Variants in NINL observed in about 807,000 individuals in gnomAD.
NINL encodes ninein like, also known as ninein-like protein.
In NINL, 153 loss-of-function variants were observed where a neutral mutation model predicts 160.3. The ratio of observed to expected loss-of-function variants is 0.95; its 90% CI spans 0.84 to 1.09. The LOEUF is 1.09. NINL is among the 50% of genes least tolerant of loss of function. The probability of loss-of-function intolerance (pLI) is 0.00; values close to 1 mark genes in which losing one functional copy is unlikely to be tolerated. For synonymous variants in NINL, 800 were observed against 734.8 expected (o/e 1.09, Z -1.43); for missense variants, 1,829 against 1,764.0 (o/e 1.04, Z -0.66).
At chr20:25,464,243 C>T (rs1050360253) in intron 19 of NINL, among the ~76,000 whole-genome samples, 1 of 152,152 alleles carries the variant, frequency 6.6e-6, no homozygotes, top group Non-Finnish European at 1.5e-5. Flanking sequence ...ATGGCGAAAC[C>T]CCATCTCCAC....
chr20:25,562,035 C>A (rs1600347220), intron 1 of NINL, among the ~76,000 whole-genome samples: 4 of 141,414 alleles, frequency 2.8e-5, no homozygotes, highest in Admixed American at 2.8e-4. Flanking sequence ...AAGTGAGGAG[C>A]CCCTCTGCCC....
chr20:25,557,846 G>A (rs2064886560), intron 1 of NINL, among the ~76,000 whole-genome samples: 1 of 151,904 alleles, frequency 6.6e-6, no homozygotes, highest in Non-Finnish European at 1.5e-5. Flanking sequence ...TAAATATACT[G>A]GGCTGGGCGC....
At chr20:25,563,895 C>A (rs943416992) in intron 1 of NINL, among the ~76,000 whole-genome samples, 1 of 152,154 alleles carries the variant, frequency 6.6e-6, no homozygotes, top group African/African-American at 2.4e-5. Flanking sequence ...AGAAACAAAT[C>A]ATTAGATCAA....
At chr20:25,503,842 T>C in intron 7 of NINL, 110 bp downstream of exon 7, 1 of 1,330,542 alleles carries the variant, frequency 7.5e-7, no homozygotes, top group Non-Finnish European at 1.1e-6. Flanking sequence ...TGTCCAGTTC[T>C]TGGACAGCTT....
intron 1 of NINL, among the ~76,000 whole-genome samples, chr20:25,548,195 G>A (rs1453740904): frequency 6.6e-6 from 1 of 152,158 alleles, no homozygotes; most frequent in Non-Finnish European, 1.5e-5. Flanking sequence ...TGCACTCCTG[G>A]GCAGCTGTGT....
chr20:25,521,961 C>T (rs1237537333), intron 2 of NINL, among the ~76,000 whole-genome samples: 1 of 152,198 alleles, frequency 6.6e-6, no homozygotes, highest in Non-Finnish European at 1.5e-5. Flanking sequence ...CAAGATCTCA[C>T]TCAGGCTCAA....
intron 1 of NINL, among the ~76,000 whole-genome samples, chr20:25,531,625 G>C (rs1384481094): frequency 6.6e-6 from 1 of 152,186 alleles, no homozygotes; most frequent in African/African-American, 2.4e-5. Flanking sequence ...CGCAACAGGG[G>C]AGAAGACAAA....
At chr20:25,469,952 C>G in intron 18 of NINL, 39 bp downstream of exon 18, 5 of 1,492,222 alleles carry the variant, frequency 3.4e-6, no homozygotes, top group Non-Finnish European at 4.7e-6. Context: ...GAGGGCAAAA[C>G]GCACCCCCAG....
At chr20:25,511,830 C>T (rs1165455576) in intron 4 of NINL, among the ~76,000 whole-genome samples, 1 of 152,218 alleles carries the variant, frequency 6.6e-6, no homozygotes, top group Non-Finnish European at 1.5e-5. Context: ...GTTGTTTTCC[C>T]TCTTTGTCTC....
chr20:25,561,783 G>A (rs1490744991), intron 1 of NINL, among the ~76,000 whole-genome samples: 2 of 151,180 alleles, frequency 1.3e-5, no homozygotes, highest in Non-Finnish European at 3.0e-5. Context: ...GAAGTGAGGA[G>A]ACCCTCCGCC....
At position 25,482,115 on chromosome 20, in the gene NINL, C is replaced by T. The variant is rs374215542; in HGVS notation, c.1678-15G>A. The T allele has an allele frequency of 5.7e-6, 9 of 1,587,506 alleles. No individual in the cohort carries two copies. Among genetic ancestry groups the T allele is most frequent in the East Asian group, 2.2e-5 (1 of 44,530 alleles). ...TCCTGCAGGTCCTGTGGGGACAGAG[C>T]CAGCCACCTCCTCTAGCAGCTGCAG... On this transcript the variant is annotated splice_polypyrimidine_tract_variant and intron_variant, in intron 13 of 23. Coordinates refer to ENST00000278886, the MANE Select transcript of NINL (RefSeq NM_025176.6).
intron 1 of NINL, among the ~76,000 whole-genome samples, chr20:25,550,101 G>A (rs1600326258): frequency 6.6e-6 from 1 of 152,202 alleles, no homozygotes; most frequent in Admixed American, 6.5e-5. Context: ...AAAAAAGGGG[G>A]TGGATACAGT....
chr20:25,545,381 G>A (rs896500845), intron 1 of NINL, among the ~76,000 whole-genome samples: 10 of 152,126 alleles, frequency 6.6e-5, no homozygotes, highest in Non-Finnish European at 1.3e-4. Context: ...GGCGTTTCAG[G>A]AGCCAGACTT....
intron 1 of NINL, among the ~76,000 whole-genome samples, chr20:25,575,739 C>T (rs1001000801): frequency 2.7e-5 from 4 of 148,820 alleles, no homozygotes; most frequent in African/African-American, 1.0e-4. Context: ...AGCAAGTACT[C>T]AGTCTCAAAA....
intron 3 of NINL, among the ~76,000 whole-genome samples, chr20:25,517,307 A>C (rs2064179069): frequency 6.6e-6 from 1 of 152,198 alleles, no homozygotes; most frequent in African/African-American, 2.4e-5. Flanking sequence ...GGCCATCTGC[A>C]ACCAAGAAGC....
intron 1 of NINL, among the ~76,000 whole-genome samples, chr20:25,571,720 A>G (rs888835081): frequency 2.6e-5 from 4 of 151,902 alleles, no homozygotes; most frequent in African/African-American, 9.7e-5. Flanking sequence ...ATACAAAATT[A>G]GCTGGGCATA....
intron 2 of NINL, among the ~76,000 whole-genome samples, chr20:25,522,183 C>T (rs1316013810): frequency 1.3e-5 from 2 of 152,240 alleles, no homozygotes; most frequent in Admixed American, 6.5e-5. Flanking sequence ...ACTGGGATTA[C>T]AGACCTGAGC....
At chr20:25,499,819 C>G (rs546537822) in intron 8 of NINL, among the ~76,000 whole-genome samples, 1 of 151,884 alleles carries the variant, frequency 6.6e-6, no homozygotes, top group East Asian at 1.9e-4. Context: ...CTTCAGGAGT[C>G]CAGCCTCAGA....
chr20:25,540,766 C>T (rs1007367841), intron 1 of NINL, among the ~76,000 whole-genome samples: 6 of 152,214 alleles, frequency 3.9e-5, no homozygotes, highest in Middle Eastern at 3.2e-3. Context: ...TTCCAATGGC[C>T]TTGCCAGCAG....
Sources: allele counts gnomAD v4.1 joint callset (sites outside exome capture counted in the v4.1 genomes callset), GRCh38; gene constraint gnomAD v4.1.1; transcripts MANE v1.5; gene names NCBI Gene and HGNC (gene_info 2026-07-23, HGNC 2026-07-21).